PCDHA1: variants seen among roughly 807,000 people sequenced by gnomAD.
The protein encoded by PCDHA1 is protocadherin alpha 1.
Under a neutral mutation model 61.3 loss-of-function variants are expected in PCDHA1, and 42 were observed. That is an observed-to-expected ratio of 0.69 (90% CI 0.54 to 0.89). PCDHA1 has a LOEUF of 0.89. Among genes scored for constraint, PCDHA1 ranks in the 40% least tolerant of loss-of-function variants. The pLI, the probability that PCDHA1 is intolerant of heterozygous loss-of-function variation, is 0.00. For missense variants in PCDHA1, 1,256 were observed against 1,235.3 expected (o/e 1.02, Z -0.25); for synonymous variants, 610 against 553.8 (o/e 1.10, Z -1.43).
intron 1 of PCDHA1, among the ~76,000 whole-genome samples, chr5:140,964,454 T>G (rs1392277569): frequency 6.6e-6 from 1 of 152,132 alleles, no homozygotes. Flanking sequence ...CTGTAATCTC[T>G]TCCTTAAGTG....
intron 1 of PCDHA1, among the ~76,000 whole-genome samples, chr5:140,936,994 TA>T (rs1472246875): frequency 6.6e-6 from 1 of 152,140 alleles, no homozygotes; most frequent in Non-Finnish European, 1.5e-5. Context: ...ACATTGACAA[TA>T]TTGAGACAGA....
intron 1 of PCDHA1, chr5:140,877,042 G>C: frequency 6.2e-7 from 1 of 1,612,636 alleles, no homozygotes; most frequent in Non-Finnish European, 8.5e-7. Context: ...GCAGCCGCTA[G>C]ACCACGAGGA....
Position 140,795,417 on chromosome 5 carries a change from G to T in PCDHA1, c.2394+6733G>T, listed in dbSNP as rs781852321. 17 of 1,614,014 alleles carry T rather than the reference G, an allele frequency of 1.1e-5. No individual in the cohort carries two copies. The South Asian group carries it at 1.6e-4, about 16-fold the overall frequency. ...CCGAATCAAGGCTGCTTGATTCTCGGTTTCCTCTAGAGGGAGCATCTGATG... is the reference window on the plus strand; with the variant it reads ...CCGAATCAAGGCTGCTTGATTCTCGTTTTCCTCTAGAGGGAGCATCTGATG... On this transcript the variant is annotated intron_variant, in intron 1 of 3. Coordinates refer to ENST00000504120, the MANE Select transcript of PCDHA1 (RefSeq NM_018900.4).
At chr5:140,843,511 C>CG in intron 1 of PCDHA1, 2 of 1,595,670 alleles carry the variant, frequency 1.3e-6, no homozygotes, top group Non-Finnish European at 1.7e-6. Flanking sequence ...CCACTGAGGG[C>CG]GGGTGCCGGG....
rs2150496669 is a variant in PCDHA1 at position 140,850,740 on chromosome 5, T to C, written c.2394+62056T>C. 3.8e-6 allele frequency: 6 copies of C among 1,597,446 alleles called. No individual in the cohort carries two copies. In the South Asian group the frequency reaches 4.4e-5, roughly 12 times the overall value. On this transcript the variant is annotated intron_variant, in intron 1 of 3. Transcript: ENST00000504120. ...GTGTTCTAGCGCGGTGGGGAGTTGG[T>C]CGTACTCGCAGCAGAGGAGGCAGAG...
chr5:140,856,138 C>T (rs1463600919), intron 1 of PCDHA1: 4 of 1,598,158 alleles, frequency 2.5e-6, no homozygotes, highest in East Asian at 4.5e-5. Flanking sequence ...GCGGCCAGCT[C>T]CACTACTCAG....
chr5:140,796,206 C>T (rs1355521802), intron 1 of PCDHA1: 15 of 1,614,096 alleles, frequency 9.3e-6, no homozygotes, highest in Middle Eastern at 1.6e-4. Context: ...GCGCCCTGGA[C>T]CGCGAGAGCG....
At chr5:140,967,506 T>G in intron 1 of PCDHA1, 7 of 1,612,946 alleles carry the variant, frequency 4.3e-6, no homozygotes, top group Non-Finnish European at 5.9e-6. Context: ...TCTGTGCGTG[T>G]CCTGGACACT....
chr5:140,861,872 G>T (rs1554155357), intron 1 of PCDHA1: 1 of 155,960 alleles, frequency 6.4e-6, no homozygotes, highest in Non-Finnish European at 1.4e-5. Context: ...TGATGGGGGC[G>T]AAGCTGAGCT....
intron 1 of PCDHA1, chr5:140,807,983 G>A (rs782039700): frequency 1.9e-6 from 3 of 1,613,482 alleles, no homozygotes; most frequent in East Asian, 2.2e-5. Flanking sequence ...TAAACTTAAC[G>A]CCTCAGATTT....
intron 1 of PCDHA1, chr5:140,830,092 G>T: frequency 1.2e-6 from 2 of 1,613,632 alleles, no homozygotes; most frequent in Non-Finnish European, 1.7e-6. Flanking sequence ...CGGTTCTGGT[G>T]TCGCTGGTGG....
chr5:140,882,374 C>G, intron 1 of PCDHA1: 1 of 1,614,186 alleles, frequency 6.2e-7, no homozygotes, highest in Non-Finnish European at 8.5e-7. Context: ...CTACTCCGTC[C>G]CCGAGGAAGC....
intron 1 of PCDHA1, chr5:140,805,115 G>C: frequency 6.3e-7 from 1 of 1,588,154 alleles, no homozygotes; most frequent in East Asian, 2.2e-5. Flanking sequence ...TGTCTAACAA[G>C]ACTCTTGGCA....
chr5:140,843,136 G>C, intron 1 of PCDHA1: 1 of 1,596,026 alleles, frequency 6.3e-7, no homozygotes, highest in South Asian at 1.1e-5. Context: ...GCTACAACGC[G>C]TGGCTTTCGT....
chr5:140,905,304 C>T (rs1373391378), intron 1 of PCDHA1, among the ~76,000 whole-genome samples: 1 of 152,150 alleles, frequency 6.6e-6, no homozygotes, highest in Non-Finnish European at 1.5e-5. Flanking sequence ...GTCCTTTCCA[C>T]ACTTTGTGTT....
intron 1 of PCDHA1, chr5:140,926,948 C>A: frequency 1.3e-6 from 2 of 1,589,774 alleles, no homozygotes; most frequent in South Asian, 1.1e-5. Flanking sequence ...GGCGCTGCAG[C>A]GGGACAGCTC....
At chr5:140,998,389 C>T (rs1386157244) in intron 3 of PCDHA1, among the ~76,000 whole-genome samples, 3 of 152,128 alleles carry the variant, frequency 2.0e-5, no homozygotes, top group Non-Finnish European at 4.4e-5. Flanking sequence ...AAGTTTAATG[C>T]CATCTTTATG....
chr5:140,988,623 T>C (rs147544785), intron 3 of PCDHA1, among the ~76,000 whole-genome samples: 188 of 152,312 alleles, frequency 1.2e-3, no homozygotes, highest in African/African-American at 3.6e-3. Context: ...AGAATGGAGA[T>C]GTCCTGGTTT....
chr5:140,995,954 A>G (rs2097705768), intron 3 of PCDHA1, among the ~76,000 whole-genome samples: 1 of 152,226 alleles, frequency 6.6e-6, no homozygotes, highest in South Asian at 2.1e-4. Context: ...TGCACGCAAA[A>G]TGCTTAGAAC....
Sources: allele counts gnomAD v4.1 joint callset (sites outside exome capture counted in the v4.1 genomes callset), GRCh38; gene constraint gnomAD v4.1.1; transcripts MANE v1.5; gene names NCBI Gene and HGNC (gene_info 2026-07-23, HGNC 2026-07-21).